The following AP3S2 variants were observed in gnomAD, a reference collection of about 807,000 sequenced individuals.
The protein encoded by AP3S2 is adaptor related protein complex 3 subunit sigma 2, also known as AP-3 complex subunit sigma-2.
A neutral mutation model predicts 23.4 loss-of-function variants in AP3S2; 22 were observed. The ratio of observed to expected loss-of-function variants is 0.94; its 90% CI spans 0.67 to 1.34. The LOEUF is 1.34. Among genes scored for constraint, AP3S2 ranks in the 40% most tolerant of loss-of-function variants. AP3S2 has a pLI of 0.00. For missense variants in AP3S2, 241 were observed against 236.9 expected (o/e 1.02, Z -0.11); for synonymous variants, 86 against 87.1 (o/e 0.99, Z 0.07).
At chr15:89,882,325 G>A (rs900736200) in intron 3 of AP3S2, among the ~76,000 whole-genome samples, 4 of 151,388 alleles carry the variant, frequency 2.6e-5, no homozygotes, top group African/African-American at 9.7e-5. Context: ...TGAATCAGCT[G>A]AGAACACTCA....
At chr15:89,874,532 T>C (rs1260560341) in intron 3 of AP3S2, among the ~76,000 whole-genome samples, 1 of 152,132 alleles carries the variant, frequency 6.6e-6, no homozygotes, top group Non-Finnish European at 1.5e-5. Flanking sequence ...CCCAACACTT[T>C]GGGCAGCCAA....
chr15:89,882,567 G>A (rs1456944267), intron 3 of AP3S2, among the ~76,000 whole-genome samples: 1 of 151,820 alleles, frequency 6.6e-6, no homozygotes, highest in Non-Finnish European at 1.5e-5. Flanking sequence ...ATGTTGGCTA[G>A]GCTGGTCTCA....
chr15:89,888,803 C>T, intron 2 of AP3S2, 171 bp from the exon 3 acceptor site: 3 of 833,092 alleles, frequency 3.6e-6, no homozygotes, highest in Non-Finnish European at 5.5e-6. Context: ...GTACCTAAAG[C>T]CACCTTACCT....
At chr15:89,841,041 C>T (rs1895318615) in intron 4 of AP3S2, among the ~76,000 whole-genome samples, 1 of 152,140 alleles carries the variant, frequency 6.6e-6, no homozygotes, top group South Asian at 2.1e-4. Flanking sequence ...AAAGGCTTTC[C>T]ATATATCTAA....
At chr15:89,844,151 A>G (rs1895404816) in intron 4 of AP3S2, among the ~76,000 whole-genome samples, 1 of 152,242 alleles carries the variant, frequency 6.6e-6, no homozygotes, top group Non-Finnish European at 1.5e-5. Flanking sequence ...TATAAACAAC[A>G]AAACTTTGAG....
rs777826094 is a variant in AP3S2 at position 89,888,579 on chromosome 15, T to C, written c.215A>G (p.Tyr72Cys). 3 of 1,613,886 alleles carry C rather than the reference T, an allele frequency of 1.9e-6. No homozygotes were observed. The highest frequency in any genetic ancestry group is 1.3e-5 in the African/African-American group (1 of 74,858). Residue 72 changes from tyrosine (Y) to cysteine (C), a missense_variant, in exon 3 of 6, where the codon TAC (tyrosine) becomes TGC (cysteine). Tyr to Cys is a radical substitution (Grantham distance 194). Coordinates refer to ENST00000336418, the MANE Select transcript of AP3S2 (RefSeq NM_005829.5). ...TGAGGAATCCACACAAAATACAAAG[T>C]AGAGGGTAGCATAGTGCCGGTAGAT... ...KLIYRHYATLYFVFCVDSSES... is the reference protein window; with the variant it reads ...KLIYRHYATLCFVFCVDSSES...
rs1282427644 is a variant in AP3S2, at chr15:89,855,152, A to G, written c.345+16323T>C. Reference sequence around the variant, plus strand: ...CGTGTCTGTGTAGAAAGAAGTAGACATGGGAGACTTTTCATTTTGTTCTGC... The same window carrying G: ...CGTGTCTGTGTAGAAAGAAGTAGACGTGGGAGACTTTTCATTTTGTTCTGC... On this transcript the variant is annotated intron_variant, in intron 4 of 5. Transcript: ENST00000336418. Among the ~76,000 whole-genome samples, 28 of 115,596 alleles carry G rather than the reference A, an allele frequency of 2.4e-4. No homozygotes were observed. In the East Asian group the frequency reaches 6.6e-3, roughly 27 times the overall value. The allele number at this position is 115,596 out of a possible 152,430, so 75.8% of individuals were successfully genotyped here.
chr15:89,848,087 A>C (rs1047828475), intron 4 of AP3S2, among the ~76,000 whole-genome samples: 1 of 152,202 alleles, frequency 6.6e-6, no homozygotes, highest in Admixed American at 6.5e-5. Context: ...AGAAACCTCT[A>C]ATCTAGATCA....
chr15:89,881,523 A>C (rs1390648512), intron 3 of AP3S2, among the ~76,000 whole-genome samples: 1 of 152,208 alleles, frequency 6.6e-6, no homozygotes, highest in Non-Finnish European at 1.5e-5. Context: ...TACAACACAC[A>C]TCCAGATTTT....
At position 89,871,460 on chromosome 15, in the gene AP3S2, T is replaced by C; in HGVS notation, c.345+15A>G. The stretch of plus-strand genomic sequence containing the variant: ...TAGTAACCCTAGTTTGGAAGAGAAC[T>C]GCAAGAGAATATACCTTATCCATAT... On this transcript the variant is annotated intron_variant, in intron 4 of 5. Transcript: ENST00000336418. 1 of 1,609,600 alleles carries C rather than the reference T, an allele frequency of 6.2e-7. No individual in the cohort carries two copies. Among genetic ancestry groups the C allele is most frequent in the South Asian group, 1.1e-5 (1 of 89,766 alleles).
At chr15:89,888,134 A>G (rs1308627810) in intron 3 of AP3S2, among the ~76,000 whole-genome samples, 1 of 152,234 alleles carries the variant, frequency 6.6e-6, no homozygotes, top group African/African-American at 2.4e-5. Context: ...GGCTTATTCA[A>G]GTACTTAAAA....
At chr15:89,844,034 G>A (rs1895401105) in intron 4 of AP3S2, among the ~76,000 whole-genome samples, 1 of 152,190 alleles carries the variant, frequency 6.6e-6, no homozygotes, top group Non-Finnish European at 1.5e-5. Flanking sequence ...CTCACCCTCA[G>A]TAACTGAGAG....
chr15:89,850,498 AAAG>A (rs1373928514), intron 4 of AP3S2: 1 of 152,250 alleles, frequency 6.6e-6, no homozygotes, highest in East Asian at 1.9e-4. Flanking sequence ...GAGCAGAGGC[AAAG>A]AAGAGCAGAT....
At chr15:89,859,454 C>T (rs1274316086) in intron 4 of AP3S2, among the ~76,000 whole-genome samples, 5 of 133,856 alleles carry the variant, frequency 3.7e-5, no homozygotes, top group African/African-American at 1.4e-4. Flanking sequence ...TGTGCAGTGG[C>T]GCGACCTCGG....
chr15:89,858,529 GAAAGAAAGAA>G (rs1187882307), intron 4 of AP3S2, among the ~76,000 whole-genome samples: 1 of 50,658 alleles, frequency 2.0e-5, no homozygotes, highest in Non-Finnish European at 4.2e-5. Flanking sequence ...GAGAGAGAAA[GAAAGAAAGAA>G]AGAAAGAAAG....
At chr15:89,869,567 T>A (rs1214448307) in intron 4 of AP3S2, among the ~76,000 whole-genome samples, 624 of 122,976 alleles carry the variant, frequency 5.1e-3, no homozygotes, top group Middle Eastern at 8.6e-3. Flanking sequence ...GAATTATCAA[T>A]AAAAAAAAAA....
intron 1 of AP3S2, among the ~76,000 whole-genome samples, chr15:89,890,142 C>T (rs567262623): frequency 3.9e-5 from 6 of 152,170 alleles, no homozygotes; most frequent in East Asian, 3.9e-4. Context: ...CCTCCACCTC[C>T]GGGTTCAAGC....
intron 3 of AP3S2, chr15:89,876,554 A>G (rs902793132): frequency 1.3e-5 from 2 of 152,406 alleles, no homozygotes; most frequent in Non-Finnish European, 2.9e-5. Flanking sequence ...GGAAAGAAGC[A>G]GAAGTAGTAC....
chr15:89,833,411 A>G lies in AP3S2; in HGVS notation c.*2104T>C, dbSNP rs1300352262. ...GAGGAAAGAAAAGGACAGTGGAGTC[A>G]AGTGAACAGTCTCAGATCTCAGCCC... On this transcript the variant is annotated 3_prime_UTR_variant, in exon 6 of 6. Transcript: ENST00000336418. The G allele has an allele frequency of 6.6e-6, 1 of 152,246 alleles. No individual in the cohort carries two copies. The highest frequency in any genetic ancestry group is 1.5e-5 in the Non-Finnish European group (1 of 68,038). 9.4% of individuals were successfully genotyped at this position (152,246 alleles called of 1,614,324 possible). A position where few individuals can be genotyped will look rare whatever the true frequency, so the allele number is the denominator to read the frequency against.
Sources: allele counts gnomAD v4.1 joint callset (sites outside exome capture counted in the v4.1 genomes callset), GRCh38; gene constraint gnomAD v4.1.1; transcripts MANE v1.5; gene names NCBI Gene and HGNC (gene_info 2026-07-23, HGNC 2026-07-21).